The following SDK1 variants were observed in gnomAD, a reference collection of about 807,000 sequenced individuals.
The protein encoded by SDK1 is protein sidekick-1.
Under a neutral mutation model 245.5 loss-of-function variants are expected in SDK1, and 157 were observed. That is an observed-to-expected ratio of 0.64 (90% CI 0.56 to 0.73). SDK1 has a LOEUF of 0.73. Ranked by LOEUF, SDK1 falls within the 30% of genes least tolerant of loss-of-function variation. The pLI, the probability that SDK1 is intolerant of heterozygous loss-of-function variation, is 0.00. For missense variants in SDK1, 3,583 were observed against 3,002.3 expected, an observed-to-expected ratio of 1.19 and a Z score of -4.52; for synonymous variants, 1,647 against 1,278.5, an observed-to-expected ratio of 1.29 and a Z score of -6.15.
At chr7:3,317,684 G>A (rs999863779) in intron 1 of SDK1, among the ~76,000 whole-genome samples, 1 of 152,098 alleles carries the variant, frequency 6.6e-6, no homozygotes, top group Non-Finnish European at 1.5e-5. Context: ...TTTCCTTGTT[G>A]TGCATGGAAG....
intron 1 of SDK1, among the ~76,000 whole-genome samples, chr7:3,345,745 G>C (rs1385962665): frequency 6.6e-6 from 1 of 152,140 alleles, no homozygotes; most frequent in Non-Finnish European, 1.5e-5. Flanking sequence ...TGCTTCTCTA[G>C]AGTATTGCCT....
At chr7:3,452,017 G>A (rs1780530045) in intron 1 of SDK1, among the ~76,000 whole-genome samples, 1 of 152,186 alleles carries the variant, frequency 6.6e-6, no homozygotes, top group South Asian at 2.1e-4. Context: ...TCATTACAGT[G>A]AAGGAACTTG....
At chr7:4,088,438 G>A (rs1390652376) in intron 22 of SDK1, among the ~76,000 whole-genome samples, 3 of 152,010 alleles carry the variant, frequency 2.0e-5, no homozygotes, top group African/African-American at 7.2e-5. Flanking sequence ...AGAAATTATT[G>A]TAAGATTTTA....
At chr7:3,567,503 G>A (rs1462046117) in intron 1 of SDK1, among the ~76,000 whole-genome samples, 1 of 152,178 alleles carries the variant, frequency 6.6e-6, no homozygotes, top group African/African-American at 2.4e-5. Context: ...AAAAATTCTT[G>A]TCCTGGTGCT....
intron 1 of SDK1, among the ~76,000 whole-genome samples, chr7:3,343,002 GAAAA>G (rs59587479): frequency 1.4e-5 from 2 of 137,996 alleles, no homozygotes; most frequent in African/African-American, 5.5e-5. Flanking sequence ...CTAAATGGCT[GAAAA>G]AAAAAAAAAA....
intron 4 of SDK1, among the ~76,000 whole-genome samples, chr7:3,717,443 C>G (rs75704352): frequency 0.022 from 3,401 of 152,014 alleles, 48 homozygotes; most frequent in African/African-American, 0.04. Context: ...TAAGGGCATG[C>G]TGAGAGGAAA....
At chr7:4,190,526 G>T (rs974154202) in intron 35 of SDK1, among the ~76,000 whole-genome samples, 3 of 152,202 alleles carry the variant, frequency 2.0e-5, no homozygotes, top group African/African-American at 4.8e-5. Flanking sequence ...TGTTTCAGAC[G>T]TTCCCTTCAG....
chr7:3,885,290 G>C (rs563279238), intron 5 of SDK1, among the ~76,000 whole-genome samples: 2 of 152,274 alleles, frequency 1.3e-5, no homozygotes, highest in Non-Finnish European at 2.9e-5. Flanking sequence ...TCTGTAAACT[G>C]ACTGACGCCC....
intron 35 of SDK1, 134 bp from the exon 36 acceptor site, chr7:4,205,745 C>A: frequency 1.4e-6 from 1 of 726,138 alleles, no homozygotes; most frequent in African/African-American, 1.8e-5. Context: ...GCCAGGGCGA[C>A]GGCCCAGGGA....
chr7:3,785,817 G>T (rs1780884005), intron 4 of SDK1, among the ~76,000 whole-genome samples: 1 of 152,170 alleles, frequency 6.6e-6, no homozygotes, highest in African/African-American at 2.4e-5. Context: ...TGCAGATCTT[G>T]GTTGAGAGTT....
At chr7:3,589,549 AAAG>A (rs1228366407) in intron 1 of SDK1, among the ~76,000 whole-genome samples, 1 of 152,232 alleles carries the variant, frequency 6.6e-6, no homozygotes, top group African/African-American at 2.4e-5. Context: ...TTTATAAAGA[AAAG>A]AAGTTTAATG....
At chr7:3,943,501 C>G (rs1008120660) in intron 5 of SDK1, among the ~76,000 whole-genome samples, 4 of 149,928 alleles carry the variant, frequency 2.7e-5, no homozygotes, top group Non-Finnish European at 5.9e-5. Context: ...TTCCTTTCCT[C>G]TCCTCCTTCA....
intron 1 of SDK1, among the ~76,000 whole-genome samples, chr7:3,516,277 A>AT (rs1415276923): frequency 1.3e-5 from 2 of 151,958 alleles, no homozygotes; most frequent in African/African-American, 2.4e-5. Context: ...TAATACACAT[A>AT]TATACTATGT....
intron 4 of SDK1, among the ~76,000 whole-genome samples, chr7:3,784,008 A>G (rs1780826654): frequency 6.6e-6 from 1 of 152,160 alleles, no homozygotes; most frequent in South Asian, 2.1e-4. Flanking sequence ...AGATCAACAG[A>G]TGAAACAGAC....
At chr7:3,452,884 C>G (rs577885760) in intron 1 of SDK1, among the ~76,000 whole-genome samples, 1 of 152,206 alleles carries the variant, frequency 6.6e-6, no homozygotes, top group Non-Finnish European at 1.5e-5. Context: ...TTCTGTGATT[C>G]TTTGTTTTAT....
chr7:3,923,006 A>AT (rs764281183), intron 5 of SDK1, among the ~76,000 whole-genome samples: 5 of 152,156 alleles, frequency 3.3e-5, no homozygotes, highest in Non-Finnish European at 7.4e-5. Context: ...AGGTTCACTG[A>AT]TTTGATTGTA....
At chr7:4,024,727 A>G (rs191961555) in intron 17 of SDK1, among the ~76,000 whole-genome samples, 1 of 152,336 alleles carries the variant, frequency 6.6e-6, no homozygotes, top group Non-Finnish European at 1.5e-5. Flanking sequence ...CCAAGGTGAT[A>G]TAGCTGGACA....
At chr7:3,973,882 A>G (rs1453570574) in intron 12 of SDK1, among the ~76,000 whole-genome samples, 1 of 152,088 alleles carries the variant, frequency 6.6e-6, no homozygotes, top group African/African-American at 2.4e-5. Flanking sequence ...TTCATATGCC[A>G]TAAAATTCAC....
At chr7:4,191,982 C>T (rs977069953) in intron 35 of SDK1, among the ~76,000 whole-genome samples, 1 of 152,346 alleles carries the variant, frequency 6.6e-6, no homozygotes, top group East Asian at 1.9e-4. Flanking sequence ...CTCTCTCAAA[C>T]CCTCGCCCTG....
Sources: allele counts gnomAD v4.1 joint callset (sites outside exome capture counted in the v4.1 genomes callset), GRCh38; gene constraint gnomAD v4.1.1; transcripts MANE v1.5; gene names NCBI Gene and HGNC (gene_info 2026-07-23, HGNC 2026-07-21).